The following JAG2 variants were observed in gnomAD, a reference collection of about 807,000 sequenced individuals.
JAG2 encodes jagged canonical Notch ligand 2.
Under a neutral mutation model 141.7 loss-of-function variants are expected in JAG2, and 46 were observed. The observed-to-expected ratio is 0.32, with a 90% confidence interval of 0.26 to 0.42. JAG2 has a LOEUF of 0.42. JAG2 is among the 10% of genes least tolerant of loss of function. The probability of loss-of-function intolerance (pLI) is 1.00; values close to 1 mark genes in which losing one functional copy is unlikely to be tolerated. For missense variants in JAG2, 1,500 were observed against 1,817.5 expected (o/e 0.83, Z 3.18); for synonymous variants, 862 against 763.5 (o/e 1.13, Z -2.13).
Position 105,147,510 on chromosome 14 carries a change from G to A in JAG2, c.2383C>T (p.Pro795Ser). The change falls in exon 19 of 26, where the codon CCT becomes TCT. Residue 795 changes from proline (P) to serine (S), a missense_variant. Coordinates refer to ENST00000331782, the MANE Select transcript of JAG2 (RefSeq NM_002226.5). ...TCTHNTNDCN[P>S]LPCYNGGICV... ...CAGGGTGCCACTCACCAAGGCAGAG[G>A]GTTGCAGTCGTTGGTATCTGGTTTG... The A allele has an allele frequency of 1.2e-6, 2 of 1,612,206 alleles. No homozygotes were observed. Among genetic ancestry groups the A allele is most frequent in the Non-Finnish European group, 1.7e-6 (2 of 1,179,372 alleles).
Position 105,148,377 on chromosome 14 carries a change from C to G in JAG2, c.2083G>C (p.Asp695His). 6.2e-7 allele frequency: 1 copy of G among 1,612,262 alleles called. No individual in the cohort carries two copies. Among genetic ancestry groups the G allele is most frequent in the Non-Finnish European group, 8.5e-7 (1 of 1,179,590 alleles). The change falls in exon 16 of 26, where the codon GAC becomes CAC. Residue 695 changes from aspartate to histidine, a missense_variant. Transcript: ENST00000331782. ...CCGTCGTCGCACGCACAGTAGAAGTCATTGACCAGGTCGTAGCAGCGGCCG... is the reference window on the plus strand; with the variant it reads ...CCGTCGTCGCACGCACAGTAGAAGTGATTGACCAGGTCGTAGCAGCGGCCG... ...SRGRCYDLVN[D>H]FYCACDDGWK...
chr14:105,150,541 G>A (rs1595178078), intron 12 of JAG2, 63 bp downstream of exon 12: 1 of 1,474,258 alleles, frequency 6.8e-7, no homozygotes, highest in Admixed American at 2.0e-5. Context: ...ATGGTCAGGG[G>A]ACGAGGCCTG....
intron 24 of JAG2, 25 bp downstream of exon 24, chr14:105,144,905 G>C (rs587622073): frequency 1.3e-6 from 2 of 1,595,434 alleles, no homozygotes; most frequent in African/African-American, 2.7e-5. Context: ...GCCCACCCAG[G>C]TGCTGCTCCC....
rs587634446 is a variant in JAG2 at position 105,154,407 on chromosome 14, T to C, written c.788+1155A>G. Among the ~76,000 whole-genome samples, 4 of 152,094 alleles carry C rather than the reference T, an allele frequency of 2.6e-5. No individual in the cohort carries two copies. The highest frequency in any genetic ancestry group is 2.0e-4 in the Admixed American group (3 of 15,292). The stretch of plus-strand genomic sequence containing the variant: ...GCTCACGCACAGTGAGCGCCACGGC[T>C]CGAAGCCCGTGCCCACCCCAGACCC... On this transcript the variant is annotated intron_variant, in intron 5 of 25. Coordinates refer to ENST00000331782, the MANE Select transcript of JAG2 (RefSeq NM_002226.5). The surrounding 1 kb of genome is among the most constrained non-coding windows in gnomAD (Gnocchi z 4.4).
chr14:105,150,610 G>A lies in JAG2; in HGVS notation c.1596C>T (p.Leu532=). 6.5e-7 allele frequency: 1 copy of A among 1,548,254 alleles called. No homozygotes were observed. Among genetic ancestry groups the A allele is most frequent in the East Asian group, 2.4e-5 (1 of 40,878 alleles). Residue 532 remains leucine (L), a synonymous_variant, in exon 12 of 26, where the codon CTC becomes CTT. Coordinates refer to ENST00000331782, the MANE Select transcript of JAG2 (RefSeq NM_002226.5). ...CHCPQGFSGP[L]CEVDVDLCEP... The stretch of plus-strand genomic sequence containing the variant: ...GTGACCAGGCAGACCTCACCTCACA[G>A]AGAGGCCCGGAGAAGCCCTGGGGGC...
At chr14:105,143,739 C>T (rs587695266) in intron 24 of JAG2, 101 bp from the exon 25 acceptor site, 9 of 1,445,528 alleles carry the variant, frequency 6.2e-6, no homozygotes, top group South Asian at 3.6e-5. Context: ...GCAAGGTGGG[C>T]GCACGGGAGA....
chr14:105,154,571 C>G lies in JAG2; in HGVS notation c.788+991G>C, dbSNP rs377640537. On this transcript the variant is annotated intron_variant, in intron 5 of 25. Transcript: ENST00000331782. This position sits in a 1 kb window ranked among gnomAD's most constrained non-coding sequence, Gnocchi z 4.4. ...CCATCTGGACTTGGCTGTAAGACCC[C>G]GGACACTCCCTTGTGGAGGCCCTTG... Among the ~76,000 whole-genome samples, 1 of 152,146 alleles carries G rather than the reference C, an allele frequency of 6.6e-6. No homozygotes were observed. Among genetic ancestry groups the G allele is most frequent in the Non-Finnish European group, 1.5e-5 (1 of 68,004 alleles).
rs768236238 is a variant in JAG2 at position 105,152,150 on chromosome 14, C to A, written c.919+11G>T. On this transcript the variant is annotated intron_variant, in intron 6 of 25. Coordinates refer to ENST00000331782, the MANE Select transcript of JAG2 (RefSeq NM_002226.5). ...TGGCAGAGCATTAGGCCTGCCGCCC[C>A]CTACCACTACCTTTGTCACAGAGCA... 9.3e-6 allele frequency: 15 copies of A among 1,613,600 alleles called. No homozygotes were observed. Among genetic ancestry groups the A allele is most frequent in the Non-Finnish European group, 1.2e-5 (14 of 1,180,004 alleles).
At chr14:105,147,243 G>T in intron 20 of JAG2, 83 bp downstream of exon 20, 2 of 1,049,836 alleles carry the variant, frequency 1.9e-6, no homozygotes, top group Admixed American at 2.0e-5. Flanking sequence ...CCCTTCAAGG[G>T]ACGTGGACGT....
chr14:105,165,849 C>CCCGA (rs777250587), intron 2 of JAG2, among the ~76,000 whole-genome samples: 90 of 152,392 alleles, frequency 5.9e-4, no homozygotes, highest in Non-Finnish European at 1.1e-3. Flanking sequence ...GGAGCCTGAA[C>CCCGA]TCGGTCCTTG....
At chr14:105,166,096 T>C (rs758718785) in intron 2 of JAG2, among the ~76,000 whole-genome samples, 2 of 152,162 alleles carry the variant, frequency 1.3e-5, no homozygotes, top group Admixed American at 6.5e-5. Context: ...TGCCCCCTCC[T>C]GGGGCATTCG....
At chr14:105,159,016 T>A (rs1888655848) in intron 2 of JAG2, among the ~76,000 whole-genome samples, 1 of 151,778 alleles carries the variant, frequency 6.6e-6, no homozygotes, top group African/African-American at 2.4e-5. Context: ...CTCATCCAGC[T>A]AAGGACAGGC....
Position 105,150,715 on chromosome 14 carries a change from C to T in JAG2, c.1491G>A (p.Leu497=), listed in dbSNP as rs893516397. The T allele has an allele frequency of 6.4e-7, 1 of 1,569,800 alleles. No homozygotes were observed. The highest frequency in any genetic ancestry group is 8.6e-7 in the Non-Finnish European group (1 of 1,157,954). ...GGCTGCTGGCACACTCGTCTCGTTC[C>T]AGCTCGCAATGCCGGCCTCCGAAGC... The part of the protein sequence containing the change: ...PRGFGGRHCE[L]ERDECASSPC... The change falls in exon 12 of 26, where the codon CTG becomes CTA. Residue 497 remains leucine, a synonymous_variant. Transcript: ENST00000331782.
rs749883072 is a variant in JAG2 at position 105,151,019 on chromosome 14, C to G, written c.1353G>C (p.Pro451=). Residue 451 remains proline, a synonymous_variant, in exon 10 of 26, where the codon CCG becomes CCC. Transcript: ENST00000331782. Reference sequence around the variant, plus strand: ...TATGGCAGTTGATGCCCTTCCAGCCCGGGATGCAATCACAGTAATAGCCGC... The same window carrying G: ...TATGGCAGTTGATGCCCTTCCAGCCGGGGATGCAATCACAGTAATAGCCGC... ...LIGGYYCDCI[P]GWKGINCHIN... 8 of 1,612,806 alleles carry G rather than the reference C, an allele frequency of 5.0e-6. No individual in the cohort carries two copies. In the South Asian group the frequency reaches 8.8e-5, roughly 18 times the overall value.
In JAG2 at chr14:105,146,694, G is replaced by T. The variant is rs775775134; in HGVS notation, c.2510C>A (p.Ala837Asp). Residue 837 changes from alanine (A) to aspartate (D), a missense_variant, in exon 21 of 26, where the codon GCC becomes GAC. By Grantham distance (126) the Ala-to-Asp change is moderately radical. Around this residue, in one of 3 missense-constraint regions of JAG2, gnomAD observed 875 missense variants for 1,202.2 expected, o/e 0.73. Transcript: ENST00000331782. ...CTCATCCACACACGTGGCCCCGTAG[G>T]CACAGGGCGAGGACTGGCACTCGTC... Reference protein sequence around the residue: ...NIDECQSSPCAYGATCVDEIN... With the variant: ...NIDECQSSPCDYGATCVDEIN... 2 of 1,612,622 alleles carry T rather than the reference G, an allele frequency of 1.2e-6. No individual in the cohort carries two copies. Among genetic ancestry groups the T allele is most frequent in the Non-Finnish European group, 1.7e-6 (2 of 1,179,822 alleles).
chr14:105,164,259 GC>G (rs1764128042), intron 2 of JAG2, among the ~76,000 whole-genome samples: 2 of 152,146 alleles, frequency 1.3e-5, no homozygotes, highest in Admixed American at 1.3e-4. Context: ...GGCACTGAAT[GC>G]CCCACCCTGC....
intron 2 of JAG2, 50 bp from the exon 3 acceptor site, chr14:105,157,813 C>T: frequency 6.6e-7 from 1 of 1,507,542 alleles, no homozygotes; most frequent in Non-Finnish European, 9.0e-7. Flanking sequence ...ACCTGCCTGC[C>T]TCGTTCAGGG....
rs1157396108 is a variant in JAG2 at position 105,167,701 on chromosome 14, G to A, written c.417+56C>T. 5 of 1,370,638 alleles carry A rather than the reference G, an allele frequency of 3.6e-6. No homozygotes were observed. The African/African-American group carries it at 4.6e-5, about 13-fold the overall frequency. The allele number at this position is 1,370,638 out of a possible 1,614,324, so 84.9% of individuals were successfully genotyped here. ...TGTTGGGGGTCGCGAAGCGCGCGGG[G>A]CCGGGGCGCGGAGAGAGAGGGAAGG... On this transcript the variant is annotated intron_variant, in intron 2 of 25. Transcript: ENST00000331782. The surrounding 1 kb of genome is among the most constrained non-coding windows in gnomAD (Gnocchi z 4.8).
chr14:105,163,263 G>A (rs956566312), intron 2 of JAG2, among the ~76,000 whole-genome samples: 19 of 152,300 alleles, frequency 1.2e-4, no homozygotes, highest in African/African-American at 4.3e-4. Flanking sequence ...AGAAGGGGTG[G>A]GGGCAAACAC....
Sources: allele counts gnomAD v4.1 joint callset (sites outside exome capture counted in the v4.1 genomes callset), GRCh38; gene constraint gnomAD v4.1.1; regional missense constraint gnomAD v4.1.1; non-coding constraint Gnocchi (gnomAD v3.1); transcripts MANE v1.5; gene names NCBI Gene and HGNC (gene_info 2026-07-23, HGNC 2026-07-21).